Variants in SHOC2 observed in about 807,000 individuals in gnomAD.
The protein encoded by SHOC2 is leucine-rich repeat protein SHOC-2.
In SHOC2, 4 loss-of-function variants were observed where a neutral mutation model predicts 50.2. That is an observed-to-expected ratio of 0.08 (90% CI 0.04 to 0.18). SHOC2 has a LOEUF of 0.18. Among genes scored for constraint, SHOC2 ranks in the 10% least tolerant of loss-of-function variants. The probability of loss-of-function intolerance (pLI) is 1.00; values close to 1 mark genes in which losing one functional copy is unlikely to be tolerated. For synonymous variants in SHOC2, 218 were observed against 244.5 expected (o/e 0.89, Z 1.01); for missense variants, 388 against 669.6 (o/e 0.58, Z 4.64).
intron 1 of SHOC2, among the ~76,000 whole-genome samples, chr10:110,929,637 C>T (rs917617440): frequency 4.6e-5 from 7 of 152,200 alleles, no homozygotes; most frequent in Admixed American, 2.6e-4. Context: ...ACAGGTCTTC[C>T]TGCTGTATCT....
chr10:110,973,015 C>T (rs1043147442), intron 2 of SHOC2, among the ~76,000 whole-genome samples: 1 of 152,076 alleles, frequency 6.6e-6, no homozygotes, highest in African/African-American at 2.4e-5. Flanking sequence ...TGTCCATGTC[C>T]CTTAGTTGCA....
At chr10:110,977,942 C>T (rs911217728) in intron 2 of SHOC2, among the ~76,000 whole-genome samples, 3 of 152,202 alleles carry the variant, frequency 2.0e-5, no homozygotes, top group African/African-American at 7.2e-5. Context: ...AGAATTTAGG[C>T]AAACACTGCA....
At chr10:110,967,761 A>G (rs1847704319) in intron 2 of SHOC2, among the ~76,000 whole-genome samples, 1 of 152,162 alleles carries the variant, frequency 6.6e-6, no homozygotes, top group African/African-American at 2.4e-5. Flanking sequence ...AATTTGCATA[A>G]TATTTTCAAG....
chr10:110,997,074 C>T (rs1383215110), intron 3 of SHOC2, among the ~76,000 whole-genome samples: 3 of 152,088 alleles, frequency 2.0e-5, no homozygotes, highest in African/African-American at 7.2e-5. Context: ...TTGGCATTTT[C>T]CCCTTGGTCT....
At chr10:110,938,474 A>T (rs1003799423) in intron 1 of SHOC2, among the ~76,000 whole-genome samples, 4 of 152,142 alleles carry the variant, frequency 2.6e-5, no homozygotes, top group African/African-American at 9.7e-5. Flanking sequence ...AATTTATAAT[A>T]ATAAAATTTG....
intron 2 of SHOC2, among the ~76,000 whole-genome samples, chr10:110,977,482 T>C (rs1847899149): frequency 6.6e-6 from 1 of 152,124 alleles, no homozygotes; most frequent in Non-Finnish European, 1.5e-5. Context: ...CAACCTCAGG[T>C]GATCCGCCCG....
intron 3 of SHOC2, among the ~76,000 whole-genome samples, chr10:110,988,703 A>T (rs946628067): frequency 7.9e-5 from 12 of 151,978 alleles, no homozygotes; most frequent in African/African-American, 2.2e-4. Context: ...ACTTTATTTC[A>T]CCAGCTTACT....
intron 1 of SHOC2, among the ~76,000 whole-genome samples, chr10:110,931,756 G>GT (rs1846900044): frequency 6.6e-6 from 1 of 152,066 alleles, no homozygotes. Context: ...TATTTATAGA[G>GT]TAAAAATTGC....
chr10:110,959,499 C>CAAAATTCCA (rs1847532405), intron 1 of SHOC2, among the ~76,000 whole-genome samples: 1 of 152,152 alleles, frequency 6.6e-6, no homozygotes, highest in Non-Finnish European at 1.5e-5. Flanking sequence ...AGTGAACCTA[C>CAAAATTCCA]AAAATTCCAA....
intron 2 of SHOC2, among the ~76,000 whole-genome samples, chr10:110,976,175 G>T (rs143714466): frequency 3.0e-4 from 46 of 152,254 alleles, no homozygotes; most frequent in African/African-American, 1.1e-3. Context: ...CTCTCAAAGT[G>T]TTGGGATTAC....
chr10:110,936,932 C>T, intron 1 of SHOC2: 8 of 1,404,964 alleles, frequency 5.7e-6, no homozygotes, highest in South Asian at 3.5e-5. Context: ...CACCTTGAGG[C>T]GGTCCAGAGC....
chr10:110,983,920 C>G (rs143566636), intron 2 of SHOC2, among the ~76,000 whole-genome samples: 18 of 152,310 alleles, frequency 1.2e-4, no homozygotes, highest in African/African-American at 3.6e-4. Flanking sequence ...TTAATAGACA[C>G]TTGGGTTGTT....
At chr10:110,941,884 T>C (rs1165171870) in intron 1 of SHOC2, among the ~76,000 whole-genome samples, 1 of 152,226 alleles carries the variant, frequency 6.6e-6, no homozygotes, top group Admixed American at 6.5e-5. Context: ...TTTATAGGTT[T>C]ACATTTTACA....
chr10:110,939,533 G>GT (rs1265752003), intron 1 of SHOC2, among the ~76,000 whole-genome samples: 2 of 152,116 alleles, frequency 1.3e-5, no homozygotes, highest in Non-Finnish European at 2.9e-5. Flanking sequence ...AAGCTAGGTG[G>GT]TATCTCCACT....
intron 1 of SHOC2, chr10:110,937,142 C>T (rs769344904): frequency 3.0e-5 from 45 of 1,504,370 alleles, no homozygotes; most frequent in Admixed American, 6.7e-5. Context: ...CACCACCTTC[C>T]GGCCCAGCAG....
At chr10:110,948,807 T>C (rs1847296502) in intron 1 of SHOC2, among the ~76,000 whole-genome samples, 1 of 152,206 alleles carries the variant, frequency 6.6e-6, no homozygotes, top group African/African-American at 2.4e-5. Context: ...CAACCTTACT[T>C]TGTATCTCAA....
chr10:110,960,541 A>T, intron 1 of SHOC2, among the ~76,000 whole-genome samples: 1 of 152,302 alleles, frequency 6.6e-6, no homozygotes, highest in East Asian at 1.9e-4. Context: ...TTGGTGCCTC[A>T]GTTTTCTCAT....
intron 1 of SHOC2, among the ~76,000 whole-genome samples, chr10:110,932,334 A>G (rs1468653290): frequency 6.6e-6 from 1 of 152,210 alleles, no homozygotes; most frequent in Non-Finnish European, 1.5e-5. Flanking sequence ...ATTGGACATT[A>G]ACCTGATTAG....
chr10:110,954,398 A>G (rs780584767), intron 1 of SHOC2, among the ~76,000 whole-genome samples: 2 of 152,160 alleles, frequency 1.3e-5, no homozygotes, highest in African/African-American at 2.4e-5. Flanking sequence ...TATATGATAA[A>G]TGTTTATGTT....
Sources: allele counts gnomAD v4.1 joint callset (sites outside exome capture counted in the v4.1 genomes callset), GRCh38; gene constraint gnomAD v4.1.1; transcripts MANE v1.5; gene names NCBI Gene and HGNC (gene_info 2026-07-23, HGNC 2026-07-21).